Variants in CFAP65 observed in about 807,000 individuals in gnomAD.
CFAP65 encodes the protein cilia- and flagella-associated protein 65.
Under a neutral mutation model 208.0 loss-of-function variants are expected in CFAP65, and 155 were observed. The observed-to-expected ratio is 0.75, with a 90% CI of 0.65 to 0.85. The LOEUF (loss-of-function observed/expected upper bound fraction) is 0.85, where lower values mean the gene tolerates loss of function less well. CFAP65 is among the 40% of genes least tolerant of loss of function. The pLI is 0.00. For missense variants in CFAP65, 2,294 were observed against 2,451.3 expected, an observed-to-expected ratio of 0.94 and a Z score of 1.36; for synonymous variants, 970 against 986.3, an observed-to-expected ratio of 0.98 and a Z score of 0.31.
In CFAP65 at chr2:219,019,089, G is replaced by T. The variant is rs1048509047; in HGVS notation, c.3564C>A (p.Phe1188Leu). Reference sequence around the variant, plus strand: ...CCACTCCGCTGTTCTTCAGGGCCAGGAATACCACGGAAGGTGGGGCCTTGA... The same window carrying T: ...CCACTCCGCTGTTCTTCAGGGCCAGTAATACCACGGAAGGTGGGGCCTTGA... Reference protein sequence around the residue: ...APFKAPPSVVFLALKNSGVVS... With the variant: ...APFKAPPSVVLLALKNSGVVS... The change falls in exon 21 of 35, where the codon TTC (phenylalanine) becomes TTA (leucine). Residue 1188 changes from phenylalanine (F) to leucine (L), a missense_variant. Physicochemically the swap from Phe to Leu is conservative, Grantham distance 22. This residue lies in a region of CFAP65 where 1,427 missense variants were observed against 1,438.7 expected (regional missense o/e 0.99). Transcript: ENST00000341552. 1 of 1,614,110 alleles carries T rather than the reference G, an allele frequency of 6.2e-7. No individual in the cohort carries two copies. The highest frequency in any genetic ancestry group is 1.3e-5 in the African/African-American group (1 of 74,938).
Position 219,011,080 on chromosome 2 carries a change from AG to A in CFAP65, c.3958-85del, listed in dbSNP as rs1946444070. The A allele has an allele frequency of 1.2e-5, 16 of 1,303,112 alleles. No individual in the cohort carries two copies. In the South Asian group the frequency reaches 1.3e-4, roughly 11 times the overall value. The allele number at this position is 1,303,112 out of a possible 1,614,324, so 80.7% of individuals were successfully genotyped here. A position where few individuals can be genotyped will look rare whatever the true frequency, so the allele number is the denominator to read the frequency against. ...CCTGGGATGCTGTGCCCACTGTGGG[AG>A]GGCAGGCTGATCTCCATGATGTCAC... is the stretch of plus-strand genomic sequence containing the variant. On this transcript the variant is annotated intron_variant, in intron 24 of 34. Coordinates refer to ENST00000341552, the MANE Select transcript of CFAP65 (RefSeq NM_194302.4).
intron 13 of CFAP65, 131 bp downstream of exon 13, chr2:219,027,519 C>CA: frequency 6.2e-7 from 1 of 1,608,234 alleles, no homozygotes; most frequent in South Asian, 1.1e-5. Flanking sequence ...GGTCACTGTC[C>CA]AGCCAAGAGA....
At position 219,037,183 on chromosome 2, in the gene CFAP65, A is replaced by T. The variant is rs147666159; in HGVS notation, c.357+1192T>A. ...GAGGTGGGTGAATCACGAAGTCAGG[A>T]GTTCGAGACCAGCCTGGCCAATATG... On this transcript the variant is annotated intron_variant, in intron 4 of 34. Transcript: ENST00000341552. 4.5e-3 allele frequency among the ~76,000 whole-genome samples: 680 copies of T among 152,242 alleles called. 8 individuals are homozygous for T. Among genetic ancestry groups the T allele is most frequent in the South Asian group, 7.5e-3 (36 of 4,828 alleles).
At position 219,019,610 on chromosome 2, in the gene CFAP65, G is replaced by C; in HGVS notation, c.3369C>G (p.Thr1123=). The C allele has an allele frequency of 6.2e-7, 1 of 1,613,822 alleles. No individual in the cohort carries two copies. ...VSSMGSAEGI[T]RKHLWRLFSL... ...AGAAGAGGCGCCACAGGTGCTTCCG[G>C]GTGATACCCTCAGCACTGCCCATGG... is the stretch of plus-strand genomic sequence containing the variant. The change falls in exon 20 of 35, where the codon ACC becomes ACG. Residue 1123 remains threonine (T), a synonymous_variant. Coordinates refer to ENST00000341552, the MANE Select transcript of CFAP65 (RefSeq NM_194302.4).
intron 14 of CFAP65, among the ~76,000 whole-genome samples, chr2:219,024,823 C>G (rs557444031): frequency 6.6e-6 from 1 of 152,326 alleles, no homozygotes; most frequent in South Asian, 2.1e-4. Flanking sequence ...GTAATCTCAG[C>G]TACATGGGAG....
chr2:219,013,573 G>A lies in CFAP65; in HGVS notation c.3792C>T (p.Ile1264=), dbSNP rs777336145. Reference sequence around the variant, plus strand: ...AGAGCACTGGGAGGTGATCAGTACCGATGAACAGGTGGCTAGAAAGAAACA... The same window carrying A: ...AGAGCACTGGGAGGTGATCAGTACCAATGAACAGGTGGCTAGAAAGAAACA... ...MVELKYSHLF[I]GTDHLPVLFK... Residue 1264 remains isoleucine, a synonymous_variant, in exon 23 of 35, where the codon ATC becomes ATT. Transcript: ENST00000341552. The A allele has an allele frequency of 2.3e-5, 37 of 1,599,750 alleles. No individual in the cohort carries two copies. In the East Asian group the frequency reaches 2.5e-4, roughly 11 times the overall value.
chr2:219,035,160 G>T, intron 5 of CFAP65: 1 of 624,056 alleles, frequency 1.6e-6, no homozygotes. Flanking sequence ...ATAGTACCTG[G>T]TATTCCCCAG....
intron 4 of CFAP65, among the ~76,000 whole-genome samples, chr2:219,036,950 C>T (rs2106266918): frequency 6.6e-6 from 1 of 152,234 alleles, no homozygotes; most frequent in South Asian, 2.1e-4. Flanking sequence ...CTGAGTGTGT[C>T]TGATGGCCAA....
rs746450385 is a variant in CFAP65 at position 219,035,548 on chromosome 2, T to G, written c.474A>C (p.Leu158=). Residue 158 remains leucine, a synonymous_variant, in exon 5 of 35, where the codon CTA becomes CTC. Coordinates refer to ENST00000341552, the MANE Select transcript of CFAP65 (RefSeq NM_194302.4). Reference sequence around the variant, plus strand: ...CCAGATTCCTTGTGGTCTCCTTTCCTAGCTCCCAGCCTTTCCAATGCAGCT... The same window carrying G: ...CCAGATTCCTTGTGGTCTCCTTTCCGAGCTCCCAGCCTTTCCAATGCAGCT... ...AEELHWKGWE[L]GKETTRNLVL... 2 of 1,614,056 alleles carry G rather than the reference T, an allele frequency of 1.2e-6. No homozygotes were observed. The highest frequency in any genetic ancestry group is 1.7e-6 in the Non-Finnish European group (2 of 1,180,034).
chr2:219,036,988 A>G (rs747416980), intron 4 of CFAP65, among the ~76,000 whole-genome samples: 5 of 151,994 alleles, frequency 3.3e-5, no homozygotes, highest in Non-Finnish European at 5.9e-5. Context: ...TGAGTCACCT[A>G]TGGAAGAAAG....
intron 15 of CFAP65, among the ~76,000 whole-genome samples, chr2:219,023,764 C>A (rs1287875289): frequency 6.6e-6 from 1 of 152,248 alleles, no homozygotes; most frequent in East Asian, 1.9e-4. Flanking sequence ...TCCCCCAGAT[C>A]CTTCCTCTGG....
intron 9 of CFAP65, 148 bp downstream of exon 9, chr2:219,030,541 G>GACACACCTGTTGA (rs757828896): frequency 1.5e-5 from 17 of 1,102,584 alleles, no homozygotes; most frequent in Non-Finnish European, 2.1e-5. Flanking sequence ...TGAGGAGAAG[G>GACACACCTGTTGA]ACACACCTGT....
intron 15 of CFAP65, 144 bp from the exon 16 acceptor site, chr2:219,023,575 G>T: frequency 1.5e-6 from 1 of 647,654 alleles, no homozygotes; most frequent in Non-Finnish European, 2.7e-6. Flanking sequence ...TGTACCGGCA[G>T]TTTCTGTCAA....
In CFAP65 at chr2:219,022,924, G is replaced by A. The variant is rs548408093; in HGVS notation, c.2820+283C>T. Reference sequence around the variant, plus strand: ...AGCTTTGGGGACCATGGATGGGGAGGTGACATGCCTCTCAGGCCTGGCATC... The same window carrying A: ...AGCTTTGGGGACCATGGATGGGGAGATGACATGCCTCTCAGGCCTGGCATC... On this transcript the variant is annotated intron_variant, in intron 16 of 34. Transcript: ENST00000341552. Among the ~76,000 whole-genome samples the A allele has an allele frequency of 7.2e-5, 11 of 152,358 alleles. No individual in the cohort carries two copies. The South Asian group carries it at 2.3e-3, about 32-fold the overall frequency.
chr2:219,029,570 A>G lies in CFAP65; in HGVS notation c.1483T>C (p.Cys495Arg). The change falls in exon 11 of 35, where the codon TGC becomes CGC. Residue 495 changes from cysteine (C) to arginine (R), a missense_variant. Cys to Arg is a radical substitution (Grantham distance 180, BLOSUM62 -3). Around this residue, in one of 2 missense-constraint regions of CFAP65, gnomAD observed 867 missense variants for 1,012.6 expected, o/e 0.86. Transcript: ENST00000341552. Reference protein sequence around the residue: ...QPLWIENQSDCTAHFQFAIDC... With the variant: ...QPLWIENQSDRTAHFQFAIDC... ...ATGGCAAACTGGAAGTGGGCCGTGC[A>G]GTCCGATTGGTTCTCAATCCACAGG... is the stretch of plus-strand genomic sequence containing the variant. 1 of 1,614,164 alleles carries G rather than the reference A, an allele frequency of 6.2e-7. No homozygotes were observed. Among genetic ancestry groups the G allele is most frequent in the South Asian group, 1.1e-5 (1 of 91,086 alleles).
rs377478314 is a variant in CFAP65, at chr2:219,030,722, C to T, written c.1128G>A (p.Ser376=). The T allele has an allele frequency of 1.7e-4, 275 of 1,614,024 alleles. No individual in the cohort carries two copies. Among genetic ancestry groups the T allele is most frequent in the Non-Finnish European group, 1.5e-4 (181 of 1,180,004 alleles). The change falls in exon 9 of 35, where the codon TCG becomes TCA. Residue 376 remains serine, a synonymous_variant. Coordinates refer to ENST00000341552, the MANE Select transcript of CFAP65 (RefSeq NM_194302.4). ...YFGSVAVGCT[S]ERQIRLHNPS... is the part of the protein sequence containing the mutation. ...GGTTGTGTAGCCTGATCTGCCTCTC[C>T]GAGGTGCAGCCCACAGCAACAGAGC...
chr2:219,038,445 C>T lies in CFAP65; in HGVS notation c.287G>A (p.Ser96Asn). 1 of 1,614,046 alleles carries T rather than the reference C, an allele frequency of 6.2e-7. No homozygotes were observed. Among genetic ancestry groups the T allele is most frequent in the Non-Finnish European group, 8.5e-7 (1 of 1,180,034 alleles). The change falls in exon 4 of 35, where the codon AGC (serine) becomes AAC (asparagine). Residue 96 changes from serine (S) to asparagine (N), a missense_variant. Ser to Asn is a conservative substitution (Grantham distance 46). This residue lies in a region of CFAP65 where 867 missense variants were observed against 1,012.6 expected (regional missense o/e 0.86). Transcript: ENST00000341552. ...VNSGGSCLSA[S>N]TVAIPAINDS... ...GTTGATGGCAGGGATGGCCACTGTG[C>T]TGGCACTCAGGCAGGATCCACCAGA...
chr2:219,032,193 T>G lies in CFAP65; in HGVS notation c.645+277A>C, dbSNP rs560600243. On this transcript the variant is annotated intron_variant, in intron 6 of 34. Transcript: ENST00000341552. The surrounding 1 kb of genome is among the most constrained non-coding windows in gnomAD (Gnocchi z 5.5). ...GCCTCGGCCTCCCAAAGTGCTGAGATTCCAGAAGTCAGTCACCGTCCCCGG... is the reference window on the plus strand; with the variant it reads ...GCCTCGGCCTCCCAAAGTGCTGAGAGTCCAGAAGTCAGTCACCGTCCCCGG... Among the ~76,000 whole-genome samples the G allele has an allele frequency of 6.6e-6, 1 of 152,360 alleles. No homozygotes were observed. Among genetic ancestry groups the G allele is most frequent in the Admixed American group, 6.5e-5 (1 of 15,304 alleles).
At chr2:219,022,924 G>T (rs548408093) in intron 16 of CFAP65, among the ~76,000 whole-genome samples, 10 of 152,358 alleles carry the variant, frequency 6.6e-5, no homozygotes, top group African/African-American at 2.2e-4. Flanking sequence ...GGATGGGGAG[G>T]TGACATGCCT....
Sources: allele counts gnomAD v4.1 joint callset (sites outside exome capture counted in the v4.1 genomes callset), GRCh38; gene constraint gnomAD v4.1.1; regional missense constraint gnomAD v4.1.1; non-coding constraint Gnocchi (gnomAD v3.1); transcripts MANE v1.5; gene names NCBI Gene and HGNC (gene_info 2026-07-23, HGNC 2026-07-21).